Variants in CDK7 observed in about 807,000 individuals in gnomAD.
CDK7 encodes cyclin-dependent kinase 7.
In CDK7, 25 loss-of-function variants were observed where a neutral mutation model predicts 49.1. The ratio of observed to expected loss-of-function variants is 0.51; its 90% CI spans 0.37 to 0.71. The LOEUF (loss-of-function observed/expected upper bound fraction) is 0.71, where lower values mean the gene tolerates loss of function less well. Ranked by LOEUF, CDK7 falls within the 30% of genes least tolerant of loss-of-function variation. The probability of loss-of-function intolerance (pLI) is 0.00; values close to 1 mark genes in which losing one functional copy is unlikely to be tolerated. For synonymous variants in CDK7, 107 were observed against 140.0 expected, an observed-to-expected ratio of 0.76 and a Z score of 1.67; for missense variants, 316 against 411.7, an observed-to-expected ratio of 0.77 and a Z score of 2.01.
At position 69,276,664 on chromosome 5, in the gene CDK7, G is replaced by A; in HGVS notation, c.986G>A (p.Arg329Lys). Residue 329 changes from arginine to lysine, a missense_variant, in exon 11 of 12, where the codon AGG becomes AAG. Arg to Lys is a conservative substitution (Grantham distance 26, BLOSUM62 2). Transcript: ENST00000256443. Reference sequence around the variant, plus strand: ...TCAAATCCAGCTTTGGCAATAAAAAGGAAAAGAACAGAGGCCTTAGAACAA... The same window carrying A: ...TCAAATCCAGCTTTGGCAATAAAAAAGAAAAGAACAGAGGCCTTAGAACAA... ...EQSNPALAIK[R>K]KRTEALEQGG... The A allele has an allele frequency of 1.2e-6, 2 of 1,614,020 alleles. No individual in the cohort carries two copies. Among genetic ancestry groups the A allele is most frequent in the Non-Finnish European group, 1.7e-6 (2 of 1,179,960 alleles).
In CDK7 at chr5:69,248,383, C is replaced by G. The variant is rs142647971; in HGVS notation, c.127-4035C>G. On this transcript the variant is annotated intron_variant, in intron 2 of 11. Coordinates refer to ENST00000256443, the MANE Select transcript of CDK7 (RefSeq NM_001799.4). ...TTTTAGGATCCTTTCTTTTTCTTTT[C>G]TTTTTTTTCTTTTTGAGACGGAGTT... 1.7e-4 allele frequency among the ~76,000 whole-genome samples: 25 copies of G among 151,466 alleles called. No homozygotes were observed. The East Asian group carries it at 4.8e-3, about 29-fold the overall frequency.
chr5:69,263,538 TA>T (rs929134803), intron 8 of CDK7, among the ~76,000 whole-genome samples: 1 of 151,762 alleles, frequency 6.6e-6, no homozygotes, highest in African/African-American at 2.4e-5. Context: ...TCTCTTAAAA[TA>T]AAAAAAAGTA....
intron 2 of CDK7, 35 bp downstream of exon 2, chr5:69,235,488 T>G (rs1396259079): frequency 1.5e-6 from 2 of 1,375,394 alleles, no homozygotes; most frequent in Admixed American, 1.7e-5. Context: ...TTAAGTCTCC[T>G]TGAAGATGTC....
intron 7 of CDK7, among the ~76,000 whole-genome samples, chr5:69,261,194 A>G (rs528130205): frequency 1.6e-4 from 25 of 152,154 alleles, no homozygotes; most frequent in Admixed American, 3.9e-4. Flanking sequence ...CTAAGCCCTG[A>G]GTAAGAAGTA....
At chr5:69,239,890 TC>T (rs1440620549) in intron 2 of CDK7, among the ~76,000 whole-genome samples, 3 of 151,842 alleles carry the variant, frequency 2.0e-5, no homozygotes, top group Non-Finnish European at 2.9e-5. Context: ...TTTTTTTTTT[TC>T]AATAGAGACA....
chr5:69,274,579 G>A (rs1751916567), intron 10 of CDK7, among the ~76,000 whole-genome samples: 1 of 152,026 alleles, frequency 6.6e-6, no homozygotes, highest in South Asian at 2.1e-4. Context: ...AGTTTATATG[G>A]GCTTCATCTT....
chr5:69,253,327 C>CA (rs1750271275), intron 3 of CDK7, among the ~76,000 whole-genome samples: 1 of 152,024 alleles, frequency 6.6e-6, no homozygotes. Flanking sequence ...TGCAGTATCG[C>CA]AATCTCGGCT....
chr5:69,265,559 T>C (rs1751098264), intron 8 of CDK7, among the ~76,000 whole-genome samples: 1 of 152,220 alleles, frequency 6.6e-6, no homozygotes, highest in Non-Finnish European at 1.5e-5. Context: ...CCTAGAATTC[T>C]TTGCCTGTTC....
intron 8 of CDK7, among the ~76,000 whole-genome samples, chr5:69,268,658 C>G (rs1003414094): frequency 2.0e-5 from 3 of 147,552 alleles, no homozygotes; most frequent in Non-Finnish European, 3.0e-5. Flanking sequence ...CGAGACCATT[C>G]TGGCTAACAC....
chr5:69,252,386 A>T, intron 2 of CDK7, 32 bp from the exon 3 acceptor site: 1 of 1,314,644 alleles, frequency 7.6e-7, no homozygotes, highest in Non-Finnish European at 1.1e-6. Flanking sequence ...ACACATTTTT[A>T]ATATATTTGG....
At chr5:69,247,398 C>T (rs1402290064) in intron 2 of CDK7, among the ~76,000 whole-genome samples, 1 of 151,954 alleles carries the variant, frequency 6.6e-6, no homozygotes, top group African/African-American at 2.4e-5. Flanking sequence ...ATAACTACTC[C>T]TGTTCTTTTT....
intron 1 of CDK7, 85 bp from the exon 2 acceptor site, chr5:69,235,309 C>G: frequency 3.9e-6 from 4 of 1,036,276 alleles, no homozygotes; most frequent in Non-Finnish European, 4.5e-6. Flanking sequence ...GAACTCTGGG[C>G]TCTTTGCTTC....
At chr5:69,252,672 G>T (rs1750227498) in intron 3 of CDK7, among the ~76,000 whole-genome samples, 1 of 151,954 alleles carries the variant, frequency 6.6e-6, no homozygotes, top group Non-Finnish European at 1.5e-5. Context: ...ACCACTTGTG[G>T]TTAATGTTTT....
chr5:69,256,175 C>G (rs1750476737), intron 5 of CDK7, among the ~76,000 whole-genome samples: 1 of 151,908 alleles, frequency 6.6e-6, no homozygotes, highest in Admixed American at 6.6e-5. Context: ...CGCCTGTAAT[C>G]TCAGCACTTT....
chr5:69,262,213 G>C lies in CDK7; in HGVS notation c.536G>C (p.Arg179Pro). Residue 179 changes from arginine (R) to proline (P), a missense_variant, in exon 8 of 12, where the codon CGG becomes CCG. By Grantham distance (103) the Arg-to-Pro change is moderately radical (BLOSUM62 -2). Transcript: ENST00000256443. Reference protein sequence around the residue: ...YTHQVVTRWYRAPELLFGARM... With the variant: ...YTHQVVTRWYPAPELLFGARM... ...TTCTTTTTGTTCTTTAGGTGGTATC[G>C]GGCCCCCGAGTTACTATTTGGAGCT... 6.2e-7 allele frequency: 1 copy of C among 1,613,582 alleles called. No homozygotes were observed. Among genetic ancestry groups the C allele is most frequent in the Non-Finnish European group, 8.5e-7 (1 of 1,180,006 alleles).
chr5:69,253,623 G>A (rs1481891237), intron 3 of CDK7, among the ~76,000 whole-genome samples: 2 of 152,104 alleles, frequency 1.3e-5, no homozygotes, highest in African/African-American at 4.8e-5. Context: ...CTTATCACTA[G>A]TTTGCTTTTA....
At chr5:69,252,286 A>G (rs1000782115) in intron 2 of CDK7, 132 bp from the exon 3 acceptor site, 1 of 648,742 alleles carries the variant, frequency 1.5e-6, no homozygotes, top group African/African-American at 1.9e-5. Context: ...CTTTTTGCCT[A>G]GTAGGTACAT....
chr5:69,254,709 G>C, intron 4 of CDK7, 40 bp downstream of exon 4: 2 of 1,065,882 alleles, frequency 1.9e-6, no homozygotes, highest in Non-Finnish European at 2.9e-6. Context: ...TTGGGACTCT[G>C]CCTTTTCTTA....
chr5:69,235,062 G>T (rs1200086284), intron 1 of CDK7, 21 bp downstream of exon 1: 2 of 1,589,034 alleles, frequency 1.3e-6, no homozygotes, highest in East Asian at 4.6e-5. Context: ...CTGGAAGGAC[G>T]GGGAGGGCCC....
Sources: allele counts gnomAD v4.1 joint callset (sites outside exome capture counted in the v4.1 genomes callset), GRCh38; gene constraint gnomAD v4.1.1; transcripts MANE v1.5; gene names NCBI Gene and HGNC (gene_info 2026-07-23, HGNC 2026-07-21).